The following PPM1E variants were observed in gnomAD, a reference collection of about 807,000 sequenced individuals.
The protein encoded by PPM1E is protein phosphatase 1E.
A neutral mutation model predicts 65.9 loss-of-function variants in PPM1E; 20 were observed. That is an observed-to-expected ratio of 0.30 (90% CI 0.21 to 0.44). The LOEUF (loss-of-function observed/expected upper bound fraction) is 0.44, where lower values mean the gene tolerates loss of function less well. Among genes scored for constraint, PPM1E ranks in the 20% least tolerant of loss-of-function variants. The pLI, the probability that PPM1E is intolerant of heterozygous loss-of-function variation, is 1.00. For missense variants in PPM1E, 713 were observed against 953.1 expected, an observed-to-expected ratio of 0.75 and a Z score of 3.32; for synonymous variants, 352 against 374.9, an observed-to-expected ratio of 0.94 and a Z score of 0.70.
At chr17:58,882,683 G>C (rs1427306784) in intron 1 of PPM1E, among the ~76,000 whole-genome samples, 1 of 152,078 alleles carries the variant, frequency 6.6e-6, no homozygotes, top group Non-Finnish European at 1.5e-5. Context: ...GAGCCACCGA[G>C]CCTGGCCTGC....
intron 1 of PPM1E, among the ~76,000 whole-genome samples, chr17:58,800,398 C>T (rs2050247574): frequency 6.6e-6 from 1 of 151,846 alleles, no homozygotes; most frequent in Non-Finnish European, 1.5e-5. Context: ...TTCTCTCTTC[C>T]TTTTTTTCTT....
At chr17:58,827,911 A>AAAAT (rs777546701) in intron 1 of PPM1E, among the ~76,000 whole-genome samples, 4,948 of 144,524 alleles carry the variant, frequency 0.034, 126 homozygotes, top group Middle Eastern at 0.046. Flanking sequence ...CAAAAAAAAA[A>AAAAT]AATAATAATA....
At chr17:58,966,015 G>T in intron 3 of PPM1E, 122 bp downstream of exon 3, 1 of 1,039,918 alleles carries the variant, frequency 9.6e-7, no homozygotes, top group Non-Finnish European at 1.4e-6. Flanking sequence ...ATTAGAGTAG[G>T]GCTAAGTGCA....
rs986823870 is a variant in PPM1E at position 58,982,835 on chromosome 17, C to T, written c.*1804C>T. ...TTCATCATTCTGAGGCTTTGCCCCACACATGGTCCTCACTCATATCTGTCA... is the reference window on the plus strand; with the variant it reads ...TTCATCATTCTGAGGCTTTGCCCCATACATGGTCCTCACTCATATCTGTCA... On this transcript the variant is annotated 3_prime_UTR_variant, in exon 7 of 7. Coordinates refer to ENST00000308249, the MANE Select transcript of PPM1E (RefSeq NM_014906.5). The T allele has an allele frequency of 7.1e-7, 1 of 1,400,190 alleles. No homozygotes were observed. The highest frequency in any genetic ancestry group is 1.4e-5 in the African/African-American group (1 of 69,858). The allele number at this position is 1,400,190 out of a possible 1,614,324, so 86.7% of individuals were successfully genotyped here.
At chr17:58,919,765 C>A (rs368779572) in intron 1 of PPM1E, among the ~76,000 whole-genome samples, 1 of 151,560 alleles carries the variant, frequency 6.6e-6, no homozygotes, top group African/African-American at 2.4e-5. Flanking sequence ...CCAGCCTGAA[C>A]GACAAGAATG....
At chr17:58,843,343 A>C (rs1478153430) in intron 1 of PPM1E, among the ~76,000 whole-genome samples, 2 of 151,142 alleles carry the variant, frequency 1.3e-5, no homozygotes, top group Non-Finnish European at 3.0e-5. Flanking sequence ...AAAAAAAATG[A>C]ATTAAATAAA....
Position 58,824,241 on chromosome 17 carries a change from CT to C in PPM1E, c.464+67787del, listed in dbSNP as rs998247302. ...ACATTTATTTATATATAATTTAAAACTTTTTTTCTCATAGAAAAAATCTGTA... is the reference window on the plus strand; with the variant it reads ...ACATTTATTTATATATAATTTAAAACTTTTTTCTCATAGAAAAAATCTGTA... On this transcript the variant is annotated intron_variant, in intron 1 of 6. Coordinates refer to ENST00000308249, the MANE Select transcript of PPM1E (RefSeq NM_014906.5). Among the ~76,000 whole-genome samples the C allele has an allele frequency of 7.1e-4, 108 of 152,162 alleles. 1 individual carries two copies. The highest frequency in any genetic ancestry group is 2.4e-3 in the African/African-American group (100 of 41,530).
At chr17:58,936,937 T>C (rs1252176394) in intron 1 of PPM1E, among the ~76,000 whole-genome samples, 1 of 152,180 alleles carries the variant, frequency 6.6e-6, no homozygotes, top group African/African-American at 2.4e-5. Context: ...ACTCCTTTCC[T>C]ATTCTCTAAT....
At chr17:58,952,400 C>T (rs950836070) in intron 1 of PPM1E, among the ~76,000 whole-genome samples, 2 of 152,126 alleles carry the variant, frequency 1.3e-5, no homozygotes, top group Non-Finnish European at 2.9e-5. Flanking sequence ...AGTTTCTTGG[C>T]CAGCATGGGG....
intron 1 of PPM1E, among the ~76,000 whole-genome samples, chr17:58,848,867 G>C (rs111551712): frequency 1.3e-5 from 2 of 152,000 alleles, no homozygotes; most frequent in African/African-American, 2.4e-5. Flanking sequence ...CCTCTTTGTA[G>C]CTCTGGTAGA....
intron 1 of PPM1E, among the ~76,000 whole-genome samples, chr17:58,936,791 T>C (rs1567880501): frequency 6.6e-6 from 1 of 152,198 alleles, no homozygotes. Flanking sequence ...TATCAACCCA[T>C]GGTATTTGAA....
chr17:58,787,859 A>T (rs1463108314), intron 1 of PPM1E, among the ~76,000 whole-genome samples: 2 of 149,994 alleles, frequency 1.3e-5, no homozygotes, highest in East Asian at 4.0e-4. Flanking sequence ...GTGAGCCGAG[A>T]TCGCACCACT....
In PPM1E at chr17:58,983,643, C is replaced by G. The variant is rs2031528307; in HGVS notation, c.*2612C>G. 6.6e-6 allele frequency: 1 copy of G among 152,554 alleles called. No individual in the cohort carries two copies. The highest frequency in any genetic ancestry group is 2.1e-4 in the South Asian group (1 of 4,828). The allele number at this position is 152,554 out of a possible 1,614,324, so 9.5% of individuals were successfully genotyped here. A position where few individuals can be genotyped will look rare whatever the true frequency, so the allele number is the denominator to read the frequency against. On this transcript the variant is annotated 3_prime_UTR_variant, in exon 7 of 7. Coordinates refer to ENST00000308249, the MANE Select transcript of PPM1E (RefSeq NM_014906.5). ...AGATATAAAAGTATCTATATAATATCTATAAACTGTTAATGCTGAGGTATA... is the reference window on the plus strand; with the variant it reads ...AGATATAAAAGTATCTATATAATATGTATAAACTGTTAATGCTGAGGTATA...
chr17:58,918,979 A>C (rs1486778334), intron 1 of PPM1E, among the ~76,000 whole-genome samples: 1 of 152,194 alleles, frequency 6.6e-6, no homozygotes, highest in Non-Finnish European at 1.5e-5. Flanking sequence ...GAGGTCTAAA[A>C]TTTTATCTAC....
At chr17:58,839,656 C>T (rs1355278017) in intron 1 of PPM1E, among the ~76,000 whole-genome samples, 2 of 151,950 alleles carry the variant, frequency 1.3e-5, no homozygotes, top group Non-Finnish European at 2.9e-5. Flanking sequence ...AGGTTTCTCA[C>T]TGTTGGAGTG....
chr17:58,864,164 C>A (rs1187135131), intron 1 of PPM1E, among the ~76,000 whole-genome samples: 1 of 151,720 alleles, frequency 6.6e-6, no homozygotes, highest in Non-Finnish European at 1.5e-5. Context: ...AAAAAAAATT[C>A]TCTTTGTTTC....
chr17:58,939,089 A>T (rs1598662985), intron 1 of PPM1E, among the ~76,000 whole-genome samples: 1 of 152,088 alleles, frequency 6.6e-6, no homozygotes, highest in African/African-American at 2.4e-5. Flanking sequence ...CGCCTGGCCC[A>T]CTAATTCCGA....
At chr17:58,853,730 C>T (rs1374456274) in intron 1 of PPM1E, among the ~76,000 whole-genome samples, 1 of 152,080 alleles carries the variant, frequency 6.6e-6, no homozygotes, top group Non-Finnish European at 1.5e-5. Context: ...CCTCAGGAGA[C>T]TGAGGCATGA....
rs143533991 is a variant in PPM1E, at chr17:58,822,326, T to TTTTA, written c.464+65913_464+65916dup. ...GTAAAGTTGCTAAGTCTGAATTTAT[T>TTTTA]TTTATTTATTTATTTATTTATTTAT... On this transcript the variant is annotated intron_variant, in intron 1 of 6. Coordinates refer to ENST00000308249, the MANE Select transcript of PPM1E (RefSeq NM_014906.5). Among the ~76,000 whole-genome samples, 908 of 142,002 alleles carry TTTTA rather than the reference T, an allele frequency of 6.4e-3. 4 individuals are homozygous for TTTTA. The highest frequency in any genetic ancestry group is 0.011 in the African/African-American group (438 of 38,600). 93.2% of individuals were successfully genotyped at this position (142,002 alleles called of 152,430 possible). A position where few individuals can be genotyped will look rare whatever the true frequency, so the allele number is the denominator to read the frequency against.
Sources: allele counts gnomAD v4.1 joint callset (sites outside exome capture counted in the v4.1 genomes callset), GRCh38; gene constraint gnomAD v4.1.1; transcripts MANE v1.5; gene names NCBI Gene and HGNC (gene_info 2026-07-23, HGNC 2026-07-21).